The following DAB1 variants were observed in gnomAD, a reference collection of about 807,000 sequenced individuals.
The protein encoded by DAB1 is disabled homolog 1.
DAB1 carries 15 observed loss-of-function variants against 64.6 expected under a neutral mutation model. That is an observed-to-expected ratio of 0.23 (90% CI 0.16 to 0.36). The LOEUF (loss-of-function observed/expected upper bound fraction) is 0.36. Ranked by LOEUF, DAB1 falls within the 10% of genes least tolerant of loss-of-function variation. The pLI, the probability that DAB1 is intolerant of heterozygous loss-of-function variation, is 1.00. For synonymous variants in DAB1, 235 were observed against 251.9 expected, an observed-to-expected ratio of 0.93 and a Z score of 0.64; for missense variants, 596 against 706.7, an observed-to-expected ratio of 0.84 and a Z score of 1.78.
intron 1 of DAB1, among the ~76,000 whole-genome samples, chr1:57,326,120 G>C (rs975797211): frequency 6.6e-6 from 1 of 152,230 alleles, no homozygotes; most frequent in African/African-American, 2.4e-5. Context: ...TCACAGTCTA[G>C]CAATGAAATA....
intron 2 of DAB1, among the ~76,000 whole-genome samples, chr1:57,261,593 C>T (rs1467504200): frequency 1.3e-5 from 2 of 152,126 alleles, no homozygotes; most frequent in Non-Finnish European, 2.9e-5. Flanking sequence ...AGACCTACTT[C>T]TCCATAGAGT....
chr1:57,033,552 A>C, intron 9 of DAB1: 1 of 1,612,832 alleles, frequency 6.2e-7, no homozygotes, highest in Non-Finnish European at 8.5e-7. Context: ...CGTTCTTCAA[A>C]ATCCTCAAAC....
At chr1:57,939,171 T>C (rs914504111) in intron 5 of DAB1, among the ~76,000 whole-genome samples, 1 of 152,102 alleles carries the variant, frequency 6.6e-6, no homozygotes, top group Non-Finnish European at 1.5e-5. Context: ...TCTTCTCTCA[T>C]ATTCTCACAT....
At chr1:57,908,418 G>C (rs1202799) in intron 5 of DAB1, among the ~76,000 whole-genome samples, 1 of 152,048 alleles carries the variant, frequency 6.6e-6, no homozygotes, top group African/African-American at 2.4e-5. Flanking sequence ...CTTAACGCTA[G>C]AGAGAAGAGA....
chr1:57,963,655 A>G (rs995829119), intron 5 of DAB1, among the ~76,000 whole-genome samples: 4 of 152,104 alleles, frequency 2.6e-5, no homozygotes, highest in African/African-American at 9.7e-5. Context: ...CAGTCCTGAA[A>G]ATTCTAGACA....
intron 6 of DAB1, among the ~76,000 whole-genome samples, chr1:57,776,922 T>A (rs1347162039): frequency 6.6e-6 from 1 of 151,848 alleles, no homozygotes; most frequent in Admixed American, 6.6e-5. Context: ...TCTGTACAGA[T>A]GCAAGTCCTC....
intron 2 of DAB1, among the ~76,000 whole-genome samples, chr1:57,265,752 A>G (rs375512197): frequency 6.6e-6 from 1 of 152,206 alleles, no homozygotes; most frequent in African/African-American, 2.4e-5. Context: ...AAACCAATAA[A>G]AAAGCATGTG....
intron 9 of DAB1, among the ~76,000 whole-genome samples, chr1:57,049,206 T>A (rs1648896903): frequency 6.6e-6 from 1 of 151,588 alleles, no homozygotes; most frequent in Non-Finnish European, 1.5e-5. Context: ...GAGACGTACT[T>A]TGGGAGGCCG....
chr1:57,197,585 C>G (rs1310318874), intron 2 of DAB1, among the ~76,000 whole-genome samples: 2 of 152,068 alleles, frequency 1.3e-5, no homozygotes, highest in Non-Finnish European at 1.5e-5. Flanking sequence ...AGTAATTTGC[C>G]CAAGGTCTCG....
At chr1:58,235,022 C>T (rs1027667306) in intron 4 of DAB1, among the ~76,000 whole-genome samples, 7 of 152,344 alleles carry the variant, frequency 4.6e-5, no homozygotes, top group Non-Finnish European at 8.8e-5. Flanking sequence ...AGAATCTATT[C>T]GTGGCCTTGT....
At chr1:57,109,766 A>G (rs1341505198) in intron 4 of DAB1, among the ~76,000 whole-genome samples, 1 of 152,186 alleles carries the variant, frequency 6.6e-6, no homozygotes, top group East Asian at 1.9e-4. Context: ...ATAGGAAAAC[A>G]TACCCGGCAC....
chr1:57,528,355 T>C (rs1285671773), intron 7 of DAB1, among the ~76,000 whole-genome samples: 1 of 152,072 alleles, frequency 6.6e-6, no homozygotes, highest in Non-Finnish European at 1.5e-5. Flanking sequence ...GAAAAAATAG[T>C]AAACAGAGCC....
At chr1:57,970,769 A>G (rs892408212) in intron 5 of DAB1, among the ~76,000 whole-genome samples, 1 of 152,124 alleles carries the variant, frequency 6.6e-6, no homozygotes, top group African/African-American at 2.4e-5. Flanking sequence ...TTCTGGTGCA[A>G]TGACCTTTAT....
chr1:58,243,684 T>C (rs967173320), intron 4 of DAB1, among the ~76,000 whole-genome samples: 5 of 152,204 alleles, frequency 3.3e-5, no homozygotes, highest in South Asian at 2.1e-4. Context: ...TTCTCTTCTA[T>C]CTTTCACAAG....
At chr1:57,495,478 C>G (rs967065094) in intron 7 of DAB1, among the ~76,000 whole-genome samples, 19 of 152,122 alleles carry the variant, frequency 1.2e-4, no homozygotes, top group African/African-American at 4.3e-4. Flanking sequence ...GTCAATCAAA[C>G]TCAGCACTTG....
intron 4 of DAB1, among the ~76,000 whole-genome samples, chr1:58,290,090 G>C (rs576732810): frequency 1.3e-5 from 2 of 152,302 alleles, no homozygotes; most frequent in South Asian, 2.1e-4. Flanking sequence ...TATTGTGCTA[G>C]AGATAATGGC....
At chr1:58,205,400 A>ACT (rs753868268) in intron 4 of DAB1, among the ~76,000 whole-genome samples, 4 of 151,896 alleles carry the variant, frequency 2.6e-5, no homozygotes, top group Non-Finnish European at 4.4e-5. Flanking sequence ...TCTGCAATAA[A>ACT]CTCCAGTGTT....
intron 7 of DAB1, among the ~76,000 whole-genome samples, chr1:57,611,941 CT>C (rs2101603041): frequency 6.6e-6 from 1 of 152,310 alleles, no homozygotes; most frequent in East Asian, 1.9e-4. Context: ...CCCCTGCCAA[CT>C]GTTATGTAGT....
At chr1:57,142,544 G>A (rs1658700598) in intron 3 of DAB1, among the ~76,000 whole-genome samples, 1 of 151,382 alleles carries the variant, frequency 6.6e-6, no homozygotes, top group Admixed American at 6.6e-5. Context: ...AACTCTCAGG[G>A]CTTTGGGGAC....
Sources: gnomAD v4.1 joint callset for allele counts (sites outside exome capture counted in the v4.1 genomes callset) on GRCh38, gnomAD v4.1.1 for gene constraint, MANE v1.5 for transcripts, NCBI Gene and HGNC (gene_info 2026-07-23, HGNC 2026-07-21) for gene names.